The following IMMT variants were observed in gnomAD, a reference collection of about 807,000 sequenced individuals.
The protein encoded by IMMT is MICOS complex subunit MIC60.
A neutral mutation model predicts 92.7 loss-of-function variants in IMMT; 40 were observed. That is an observed-to-expected ratio of 0.43 (90% CI 0.34 to 0.56). IMMT has a LOEUF of 0.56. IMMT is among the 20% of genes least tolerant of loss of function. IMMT has a pLI of 0.03. For missense variants in IMMT, 831 were observed against 912.1 expected (o/e 0.91, Z 1.14); for synonymous variants, 322 against 336.1 (o/e 0.96, Z 0.46).
intron 1 of IMMT, among the ~76,000 whole-genome samples, chr2:86,188,475 G>A (rs1048686105): frequency 6.6e-6 from 1 of 152,012 alleles, no homozygotes; most frequent in African/African-American, 2.4e-5. Flanking sequence ...CGAGACTGGA[G>A]TGCTGTGGCA....
intron 1 of IMMT, among the ~76,000 whole-genome samples, chr2:86,182,153 T>C (rs1443859555): frequency 4.6e-5 from 7 of 152,188 alleles, no homozygotes; most frequent in Non-Finnish European, 1.0e-4. Context: ...CTAAATACTA[T>C]TGGGGAAGGT....
At chr2:86,184,593 G>C (rs1023518595) in intron 1 of IMMT, among the ~76,000 whole-genome samples, 6 of 152,072 alleles carry the variant, frequency 3.9e-5, no homozygotes, top group Non-Finnish European at 7.3e-5. Flanking sequence ...ACCTAGAAGA[G>C]GGGTGCTACT....
intron 7 of IMMT, among the ~76,000 whole-genome samples, chr2:86,165,784 G>A (rs1676635445): frequency 6.6e-6 from 1 of 152,116 alleles, no homozygotes; most frequent in Admixed American, 6.6e-5. Flanking sequence ...AATAGCAGGT[G>A]TTTCAGGGAA....
At chr2:86,144,957 T>A (rs529665561) in intron 14 of IMMT, 76 bp from the exon 15 acceptor site, 1 of 1,470,938 alleles carries the variant, frequency 6.8e-7, no homozygotes, top group African/African-American at 1.4e-5. Flanking sequence ...TGATGCACAT[T>A]CAACAAGCTA....
intron 1 of IMMT, among the ~76,000 whole-genome samples, chr2:86,185,906 C>T (rs1361840061): frequency 2.0e-5 from 3 of 152,152 alleles, no homozygotes; most frequent in African/African-American, 7.2e-5. Flanking sequence ...GAATCATTCC[C>T]AAGCAGTAGG....
chr2:86,163,985 A>G (rs1676477292), intron 7 of IMMT, among the ~76,000 whole-genome samples: 1 of 145,298 alleles, frequency 6.9e-6, no homozygotes, highest in Non-Finnish European at 1.5e-5. Context: ...TCTATGTAAA[A>G]TTTTGCAAAG....
At chr2:86,145,178 T>C (rs72839334) in intron 14 of IMMT, among the ~76,000 whole-genome samples, 4 of 152,204 alleles carry the variant, frequency 2.6e-5, no homozygotes, top group Non-Finnish European at 5.9e-5. Flanking sequence ...GCTAAGGCCA[T>C]GAGAAATTTT....
chr2:86,183,017 T>C (rs1311216135), intron 1 of IMMT, among the ~76,000 whole-genome samples: 1 of 152,214 alleles, frequency 6.6e-6, no homozygotes, highest in Non-Finnish European at 1.5e-5. Context: ...TAGTATGAAA[T>C]TGTAAACAGA....
intron 12 of IMMT, among the ~76,000 whole-genome samples, chr2:86,149,824 G>A (rs1176567315): frequency 6.7e-6 from 1 of 148,330 alleles, no homozygotes; most frequent in Non-Finnish European, 1.5e-5. Context: ...AGGTTGCAAT[G>A]AGCCAAGATT....
intron 12 of IMMT, among the ~76,000 whole-genome samples, chr2:86,149,874 T>C (rs1351290666): frequency 2.5e-5 from 3 of 121,094 alleles, no homozygotes; most frequent in Non-Finnish European, 5.1e-5. Context: ...AGACAGACTC[T>C]GTCTCAAAAA....
intron 6 of IMMT, among the ~76,000 whole-genome samples, chr2:86,168,807 AAAG>A (rs1676897879): frequency 6.6e-6 from 1 of 152,212 alleles, no homozygotes; most frequent in African/African-American, 2.4e-5. Context: ...GAGAAAATAA[AAAG>A]AAATTGACAG....
Position 86,144,630 on chromosome 2 carries a change from G to A in IMMT, c.1915C>T (p.Gln639Ter). The A allele has an allele frequency of 1.2e-6, 2 of 1,613,968 alleles. No individual in the cohort carries two copies. Among genetic ancestry groups the A allele is most frequent in the Non-Finnish European group, 1.7e-6 (2 of 1,179,902 alleles). Residue 639 changes from glutamine to a stop codon, truncating the protein, a stop_gained, in exon 15 of 15, where the codon CAA becomes TAA. Transcript: ENST00000410111. LOFTEE classifies it high-confidence loss of function. ...ETLRARFYAV[Q>*]KLARRVAMID... ...ATTGCTACCCTTCGGGCCAGTTTTT[G>A]AACAGCATAGAAACGGGCTCTAAGG...
chr2:86,177,525 C>T (rs1033595655), intron 3 of IMMT, among the ~76,000 whole-genome samples: 9 of 151,840 alleles, frequency 5.9e-5, no homozygotes, highest in African/African-American at 2.2e-4. Flanking sequence ...TGCCAGAACC[C>T]AGGAGGCAGA....
At chr2:86,165,750 G>A (rs946855784) in intron 7 of IMMT, among the ~76,000 whole-genome samples, 7 of 88,258 alleles carry the variant, frequency 7.9e-5, no homozygotes, top group African/African-American at 1.5e-4. Flanking sequence ...GAAGTGTTTC[G>A]CATAAATAAT....
At chr2:86,155,384 T>TGAG (rs10668436) in intron 10 of IMMT, among the ~76,000 whole-genome samples, 151,734 of 152,346 alleles carry the variant, frequency 1, 75,562 homozygotes, top group East Asian at 1. Flanking sequence ...CAGAGAATAG[T>TGAG]GCTAGTGGGG....
At chr2:86,195,153 CAA>C (rs1434620837) in intron 1 of IMMT, among the ~76,000 whole-genome samples, 183 bp downstream of exon 1, 2 of 152,338 alleles carry the variant, frequency 1.3e-5, no homozygotes, top group Non-Finnish European at 2.9e-5. Flanking sequence ...GCAATAACCT[CAA>C]GTCATCCCAG....
Position 86,167,827 on chromosome 2 carries a change from GT to G in IMMT, c.656-1184del, listed in dbSNP as rs374407410. ...TCTAAACTTTTTCAAAATAAAAAGT[GT>G]TTTTTTTTTTCAAAATTATTTAAAG... On this transcript the variant is annotated intron_variant, in intron 6 of 14. Coordinates refer to ENST00000410111, the MANE Select transcript of IMMT (RefSeq NM_006839.3). Among the ~76,000 whole-genome samples the G allele has an allele frequency of 9.1e-3, 1,312 of 143,924 alleles. 18 individuals are homozygous for G. Among genetic ancestry groups the G allele is most frequent in the African/African-American group, 0.028 (1,101 of 39,524 alleles). The allele number at this position is 143,924 out of a possible 152,430, so 94.4% of individuals were successfully genotyped here.
At chr2:86,177,590 G>A (rs144110743) in intron 3 of IMMT, among the ~76,000 whole-genome samples, 32 of 151,504 alleles carry the variant, frequency 2.1e-4, no homozygotes, top group African/African-American at 7.5e-4. Context: ...GACAGAACGA[G>A]ACTCTGTCTC....
chr2:86,171,174 T>C (rs770052587), intron 5 of IMMT, 34 bp downstream of exon 5: 8 of 1,539,176 alleles, frequency 5.2e-6, no homozygotes, highest in Non-Finnish European at 6.2e-6. Flanking sequence ...GAGTGTATCA[T>C]GTATAAAAGA....
Sources: allele counts gnomAD v4.1 joint callset (sites outside exome capture counted in the v4.1 genomes callset), GRCh38; gene constraint gnomAD v4.1.1; transcripts MANE v1.5; gene names NCBI Gene and HGNC (gene_info 2026-07-23, HGNC 2026-07-21).